The following COL4A2 variants were observed in gnomAD, a reference collection of about 807,000 sequenced individuals.
COL4A2 encodes the protein collagen alpha-2(IV) chain.
A neutral mutation model predicts 200.2 loss-of-function variants in COL4A2; 99 were observed. The observed-to-expected ratio is 0.49, with a 90% CI of 0.42 to 0.58. The LOEUF is 0.58. Among genes scored for constraint, COL4A2 ranks in the 20% least tolerant of loss-of-function variants. The pLI is 0.00. For synonymous variants in COL4A2, 897 were observed against 900.6 expected (o/e 1.00, Z 0.07); for missense variants, 1,950 against 2,314.1 (o/e 0.84, Z 3.23).
chr13:110,488,956 G>A (rs541071029), intron 34 of COL4A2, among the ~76,000 whole-genome samples: 1 of 152,320 alleles, frequency 6.6e-6, no homozygotes, highest in African/African-American at 2.4e-5. Context: ...AAGGCCAGGT[G>A]CAGTGGCTCA....
chr13:110,453,271 G>A (rs763774837), intron 20 of COL4A2, among the ~76,000 whole-genome samples: 4 of 152,066 alleles, frequency 2.6e-5, no homozygotes, highest in Non-Finnish European at 5.9e-5. Flanking sequence ...GAAAGCCGAG[G>A]GGGGCCGATC....
chr13:110,510,662 G>A (rs1470635799), intron 47 of COL4A2, among the ~76,000 whole-genome samples: 1 of 152,190 alleles, frequency 6.6e-6, no homozygotes, highest in Non-Finnish European at 1.5e-5. Context: ...GTGTGCATGA[G>A]TGTACACCAT....
chr13:110,430,903 A>G (rs1386621557), intron 10 of COL4A2: 1 of 604,946 alleles, frequency 1.7e-6, no homozygotes, highest in Non-Finnish European at 3.1e-6. Flanking sequence ...CCAGTGACAG[A>G]CAGCCCATCA....
rs73618173 is a variant in COL4A2, at chr13:110,508,778, C to T, written c.4881+557C>T. On this transcript the variant is annotated intron_variant, in intron 47 of 47. Transcript: ENST00000360467. The surrounding 1 kb of genome is among the most constrained non-coding windows in gnomAD (Gnocchi z 6.1). ...AGGACCTGGGAAGGCACCGCCCACC[C>T]TTCCGGATCGCCTTTGGGTATAAAA... is the stretch of plus-strand genomic sequence containing the variant. Among the ~76,000 whole-genome samples, 3,593 of 152,270 alleles carry T rather than the reference C, an allele frequency of 0.024. 120 individuals carry two copies. Among genetic ancestry groups the T allele is most frequent in the African/African-American group, 0.081 (3,351 of 41,534 alleles).
chr13:110,431,248 T>C (rs1234557571), intron 10 of COL4A2, among the ~76,000 whole-genome samples: 1 of 152,146 alleles, frequency 6.6e-6, no homozygotes, highest in African/African-American at 2.4e-5. Flanking sequence ...AAGGAGCGAT[T>C]TGGGCTGCAG....
At chr13:110,446,580 G>A (rs1881333459) in intron 17 of COL4A2, among the ~76,000 whole-genome samples, 3 of 152,214 alleles carry the variant, frequency 2.0e-5, no homozygotes, top group Admixed American at 6.5e-5. Context: ...TGCCTGTCTT[G>A]TTCTCTTTGG....
chr13:110,357,591 C>T, intron 4 of COL4A2, 39 bp downstream of exon 4: 4 of 1,552,976 alleles, frequency 2.6e-6, no homozygotes, highest in South Asian at 2.4e-5. Context: ...TTATCTTCCT[C>T]ATACAGTCAT....
intron 41 of COL4A2, 184 bp from the exon 42 acceptor site, chr13:110,502,937 G>A: frequency 1.7e-6 from 1 of 603,082 alleles, no homozygotes; most frequent in African/African-American, 1.9e-5. Flanking sequence ...ACCTAAAAAT[G>A]ATTAAAATGG....
intron 4 of COL4A2, among the ~76,000 whole-genome samples, chr13:110,371,786 G>A (rs1050498759): frequency 1.3e-5 from 2 of 152,144 alleles, no homozygotes; most frequent in Admixed American, 1.3e-4. Context: ...CTGGGGCCTG[G>A]GCGCTGCAAA....
At chr13:110,509,270 T>TACACACAC (rs60333796) in intron 47 of COL4A2, among the ~76,000 whole-genome samples, 29 of 115,568 alleles carry the variant, frequency 2.5e-4, no homozygotes, top group African/African-American at 7.3e-4. Flanking sequence ...TATATATATA[T>TACACACAC]ACACACACAC....
At chr13:110,406,351 C>T (rs1377721320) in intron 4 of COL4A2, among the ~76,000 whole-genome samples, 2 of 152,138 alleles carry the variant, frequency 1.3e-5, no homozygotes, top group African/African-American at 4.8e-5. Context: ...GAGAGCCCGG[C>T]ACAGGACTGG....
At chr13:110,321,570 T>A (rs2139351881) in intron 3 of COL4A2, among the ~76,000 whole-genome samples, 1 of 152,358 alleles carries the variant, frequency 6.6e-6, no homozygotes, top group African/African-American at 2.4e-5. Flanking sequence ...AGAAGTGGAA[T>A]CAGGCAGTGT....
At chr13:110,431,063 G>A (rs1249634917) in intron 10 of COL4A2, among the ~76,000 whole-genome samples, 1 of 152,134 alleles carries the variant, frequency 6.6e-6, no homozygotes. Flanking sequence ...GGCCCTAGAG[G>A]GCTCATTGCA....
In COL4A2 at chr13:110,504,132, C is replaced by A; in HGVS notation, c.4286-16C>A. On this transcript the variant is annotated splice_polypyrimidine_tract_variant and intron_variant, in intron 44 of 47. Coordinates refer to ENST00000360467, the MANE Select transcript of COL4A2 (RefSeq NM_001846.4). ...TGGTCAGTTTCCAGCCATAACGCTT[C>A]TTTGGTGGCTTGCAGGTTTCCGTGG... 6.2e-7 allele frequency: 1 copy of A among 1,612,516 alleles called. No homozygotes were observed. The highest frequency in any genetic ancestry group is 8.5e-7 in the Non-Finnish European group (1 of 1,178,514).
At chr13:110,432,443 C>A (rs964936562) in intron 11 of COL4A2, 83 bp downstream of exon 11, 93 of 1,464,492 alleles carry the variant, frequency 6.4e-5, no homozygotes, top group Non-Finnish European at 8.2e-5. Context: ...CATAAAACTT[C>A]TTGGTTGGCA....
intron 38 of COL4A2, 122 bp downstream of exon 38, chr13:110,492,299 G>A (rs1232184680): frequency 1.2e-6 from 1 of 825,922 alleles, no homozygotes; most frequent in Non-Finnish European, 1.9e-6. Flanking sequence ...GCAAAGGCAG[G>A]TCTGCTGTGG....
intron 4 of COL4A2, among the ~76,000 whole-genome samples, chr13:110,393,648 G>A (rs569199866): frequency 6.6e-6 from 1 of 151,692 alleles, no homozygotes; most frequent in South Asian, 2.1e-4. Context: ...GGAGGCCAAG[G>A]TGGATGGATC....
intron 3 of COL4A2, among the ~76,000 whole-genome samples, chr13:110,309,890 C>G (rs1226918378): frequency 1.3e-5 from 2 of 152,202 alleles, no homozygotes; most frequent in African/African-American, 4.8e-5. Context: ...ACTCAGGAGG[C>G]TGAGGCACAA....
chr13:110,495,209 A>G (rs893067619), intron 39 of COL4A2, 133 bp from the exon 40 acceptor site: 1 of 1,018,292 alleles, frequency 9.8e-7, no homozygotes, highest in Non-Finnish European at 1.5e-6. Context: ...CATATATTGC[A>G]ATGCAAGCTG....
Sources: allele counts gnomAD v4.1 joint callset (sites outside exome capture counted in the v4.1 genomes callset), GRCh38; gene constraint gnomAD v4.1.1; non-coding constraint Gnocchi (gnomAD v3.1); transcripts MANE v1.5; gene names NCBI Gene and HGNC (gene_info 2026-07-23, HGNC 2026-07-21).